The following APOO variants were observed in gnomAD, a reference collection of about 807,000 sequenced individuals.
The protein encoded by APOO is apolipoprotein O.
A neutral mutation model predicts 23.1 loss-of-function variants in APOO; 11 were observed. That is an observed-to-expected ratio of 0.48 (90% CI 0.30 to 0.79). The LOEUF is 0.79. Ranked by LOEUF, APOO falls within the 30% of genes least tolerant of loss-of-function variation. APOO has a pLI of 0.07. For missense variants in APOO, 160 were observed against 142.7 expected (o/e 1.12, Z -0.62); for synonymous variants, 59 against 54.8 (o/e 1.08, Z -0.34).
At chrX:23,858,809 T>C (rs1438091137) in intron 5 of APOO, 76 bp from the exon 6 acceptor site, 3 of 965,523 alleles carry the variant, frequency 3.1e-6, no homozygotes, top group South Asian at 2.3e-5. Context: ...ATCCATTTAA[T>C]ACGGAACAAG....
chrX:23,859,397 A>G (rs1253460497), intron 5 of APOO, among the ~76,000 whole-genome samples: 1 of 110,919 alleles, frequency 9.0e-6, no homozygotes, highest in Non-Finnish European at 1.9e-5. Context: ...GCCCTAGGCA[A>G]CCATTGATCT....
rs953161742 is a variant in APOO, at chrX:23,868,761, T to C, written c.293-73A>G. On this transcript the variant is annotated intron_variant, in intron 4 of 8. Coordinates refer to ENST00000379226, the MANE Select transcript of APOO (RefSeq NM_024122.5). The stretch of plus-strand genomic sequence containing the variant: ...AAAACAAAACAAAAGTCTTATACAG[T>C]ATATAATATGTATATATAGTATCAA... 1.5e-5 allele frequency: 11 copies of C among 757,862 alleles called. No individual in the cohort carries two copies. In the African/African-American group the frequency reaches 2.1e-4, roughly 15 times the overall value. 62.5% of individuals were successfully genotyped at this position (757,862 alleles called of 1,213,427 possible).
intron 2 of APOO, 137 bp downstream of exon 2, chrX:23,880,708 A>C (rs1926077668): frequency 5.6e-6 from 1 of 178,819 alleles, no homozygotes; most frequent in East Asian, 1.2e-4. Context: ...CAAAATAAAT[A>C]AATAAATAAA....
intron 1 of APOO, among the ~76,000 whole-genome samples, chrX:23,885,182 T>A (rs954336982): frequency 2.8e-5 from 3 of 108,327 alleles, no homozygotes; most frequent in African/African-American, 1.0e-4. Context: ...GTGGATCACC[T>A]GAGGTCGGGA....
intron 1 of APOO, among the ~76,000 whole-genome samples, chrX:23,901,333 C>T (rs1254414285): frequency 8.9e-6 from 1 of 111,750 alleles, no homozygotes; most frequent in Non-Finnish European, 1.9e-5. Context: ...TTCCCAATTT[C>T]CAGCCCACGT....
chrX:23,907,617 G>GC (rs1453087915), intron 1 of APOO, 77 bp downstream of exon 1: 1 of 1,058,765 alleles, frequency 9.4e-7, no homozygotes, highest in East Asian at 3.5e-5. Context: ...CTGCAGAGAG[G>GC]CCCCAAGAGA....
intron 1 of APOO, among the ~76,000 whole-genome samples, chrX:23,900,585 G>A (rs1331613744): frequency 1.5e-4 from 16 of 106,922 alleles, no homozygotes; most frequent in Non-Finnish European, 3.1e-4. Flanking sequence ...TAAGGGAGGA[G>A]ACCGGCTTGA....
chrX:23,863,268 G>A (rs1247830904), intron 5 of APOO, among the ~76,000 whole-genome samples: 1 of 112,104 alleles, frequency 8.9e-6, no homozygotes, highest in Non-Finnish European at 1.9e-5. Flanking sequence ...CAGAGGTGGA[G>A]GAGGTTGCAG....
intron 5 of APOO, among the ~76,000 whole-genome samples, chrX:23,860,679 ATTT>A (rs1220971863): frequency 9.8e-6 from 1 of 101,908 alleles, no homozygotes; most frequent in African/African-American, 3.5e-5. Context: ...TGCCTGGCTA[ATTT>A]TTTTTTTTTC....
chrX:23,849,583 T>TAAGAAAAAAAAAAAA (rs1924428180), intron 7 of APOO, among the ~76,000 whole-genome samples: 1 of 32,604 alleles, frequency 3.1e-5, no homozygotes, highest in Non-Finnish European at 5.1e-5. Context: ...AAGAGAGACT[T>TAAGAAAAAAAAAAAA]AAAAAAAAAA....
chrX:23,890,991 T>A (rs1440793118), intron 1 of APOO, among the ~76,000 whole-genome samples: 1 of 111,394 alleles, frequency 9.0e-6, no homozygotes, highest in African/African-American at 3.3e-5. Flanking sequence ...TAAACCCCAC[T>A]GGACATCTGG....
At chrX:23,871,053 C>T (rs1601914134) in intron 4 of APOO, among the ~76,000 whole-genome samples, 1 of 108,959 alleles carries the variant, frequency 9.2e-6, no homozygotes, top group South Asian at 3.9e-4. Context: ...CACACCATTG[C>T]ACTCCAGCCT....
chrX:23,882,213 T>C (rs1003191478), intron 1 of APOO, among the ~76,000 whole-genome samples: 6 of 112,197 alleles, frequency 5.3e-5, no homozygotes, highest in African/African-American at 1.9e-4. Context: ...TATCAATTGT[T>C]TTTAAACCAG....
At chrX:23,882,816 T>G (rs1311054902) in intron 1 of APOO, among the ~76,000 whole-genome samples, 1 of 110,550 alleles carries the variant, frequency 9.0e-6, no homozygotes, top group Non-Finnish European at 1.9e-5. Context: ...CCAGCTCATT[T>G]TTGTAATTTT....
chrX:23,877,991 C>T (rs917304831), intron 3 of APOO, among the ~76,000 whole-genome samples: 8 of 111,729 alleles, frequency 7.2e-5, no homozygotes, highest in African/African-American at 2.3e-4. Flanking sequence ...TTTTCATTTA[C>T]GTAATGACAA....
Position 23,893,019 on chromosome X carries a change from T to C in APOO, c.10-12067A>G, listed in dbSNP as rs1301444442. Among the ~76,000 whole-genome samples the C allele has an allele frequency of 2.7e-5, 3 of 109,191 alleles. No individual in the cohort carries two copies. The East Asian group carries it at 8.5e-4, about 31-fold the overall frequency. 94.8% of individuals were successfully genotyped at this position (109,191 alleles called of 115,157 possible). On this transcript the variant is annotated intron_variant, in intron 1 of 8. Coordinates refer to ENST00000379226, the MANE Select transcript of APOO (RefSeq NM_024122.5). ...GTAACCAACACAAAAAAAAGAACTA[T>C]GTGAAAGAACTCAGAATACAACAAA...
intron 2 of APOO, among the ~76,000 whole-genome samples, chrX:23,880,214 A>C (rs1926048799): frequency 9.0e-6 from 1 of 111,281 alleles, no homozygotes; most frequent in Non-Finnish European, 1.9e-5. Context: ...GCCAAGAATC[A>C]GGCAGACCAC....
chrX:23,837,958 C>CCTATCTATCTAT (rs76055034), intron 8 of APOO, among the ~76,000 whole-genome samples: 441 of 94,983 alleles, frequency 4.6e-3, no homozygotes, highest in Admixed American at 7.1e-3. Context: ...CTGCACCCGG[C>CCTATCTATCTAT]CTATCTATCT....
At chrX:23,835,837 T>C (rs1923639027) in intron 8 of APOO, among the ~76,000 whole-genome samples, 1 of 112,270 alleles carries the variant, frequency 8.9e-6, no homozygotes, top group Non-Finnish European at 1.9e-5. Context: ...ACTAAATGGA[T>C]ACATTCGGCC....
Sources: allele counts gnomAD v4.1 joint callset (sites outside exome capture counted in the v4.1 genomes callset), GRCh38; gene constraint gnomAD v4.1.1; transcripts MANE v1.5; gene names NCBI Gene and HGNC (gene_info 2026-07-23, HGNC 2026-07-21).